The following BLTP1 variants were observed in gnomAD, a reference collection of about 807,000 sequenced individuals.
BLTP1 encodes bridge-like lipid transfer protein family member 1.
At chr4:122,209,703 G>A in the BLTP1 span, 2 of 1,320,870 alleles carry the variant, frequency 1.5e-6, no homozygotes, top group Admixed American at 2.8e-5. Context: ...GCTTATATGT[G>A]GAGAAATTCT....
chr4:122,198,234 A>T, the BLTP1 span: 48 of 978,788 alleles, frequency 4.9e-5, no homozygotes, highest in Non-Finnish European at 5.6e-5. Flanking sequence ...AGGCTATTTT[A>T]GTGAATAACT....
the BLTP1 span, chr4:122,316,505 G>A: frequency 3.8e-6 from 2 of 532,962 alleles, no homozygotes; most frequent in South Asian, 3.1e-5. Context: ...CCTCAGTCTA[G>A]CCAGTCCCAT....
chr4:122,281,222 G>A, the BLTP1 span: 1 of 744,600 alleles, frequency 1.3e-6, no homozygotes, highest in Non-Finnish European at 1.6e-6. Context: ...GTAGTAGCGT[G>A]TAATAGTTAA....
At chr4:122,186,103 G>A in the BLTP1 span, 21 of 1,611,638 alleles carry the variant, frequency 1.3e-5, no homozygotes, top group East Asian at 1.1e-4. Flanking sequence ...ATAATCGCTC[G>A]GATCTTTATG....
the BLTP1 span, chr4:122,197,508 A>C: frequency 1.1e-5 from 9 of 817,266 alleles, no homozygotes; most frequent in Non-Finnish European, 1.3e-5. Flanking sequence ...TAACGTATAC[A>C]TTTCTTTTGT....
chr4:122,318,221 A>G, the BLTP1 span: 1 of 1,612,224 alleles, frequency 6.2e-7, no homozygotes, highest in Non-Finnish European at 8.5e-7. Context: ...GTGGCTGTGA[A>G]TGACATTAGA....
At chr4:122,310,207 C>G in the BLTP1 span, among the ~76,000 whole-genome samples, 5 of 151,982 alleles carry the variant, frequency 3.3e-5, no homozygotes, top group Non-Finnish European at 7.4e-5. Context: ...AATCTTTCTA[C>G]TTCCCATTTT....
chr4:122,347,736 C>T, the BLTP1 span: 71 of 1,613,712 alleles, frequency 4.4e-5, no homozygotes, highest in Admixed American at 5.8e-4. Flanking sequence ...CCCCAGCTTC[C>T]ATAAGATCAA....
the BLTP1 span, among the ~76,000 whole-genome samples, chr4:122,273,644 A>T: frequency 6.6e-6 from 1 of 152,036 alleles, no homozygotes; most frequent in Non-Finnish European, 1.5e-5. Flanking sequence ...AATAGCTTTT[A>T]TCAGTAGTCT....
At chr4:122,186,027 T>C in the BLTP1 span, 11 of 1,527,178 alleles carry the variant, frequency 7.2e-6, no homozygotes, top group Non-Finnish European at 9.7e-6. Context: ...TTGTAATTGG[T>C]GTCTTTAGAT....
the BLTP1 span, among the ~76,000 whole-genome samples, chr4:122,352,415 A>G: frequency 7.4e-6 from 1 of 135,030 alleles, no homozygotes; most frequent in African/African-American, 2.9e-5. Context: ...GCTGGAGTGC[A>G]GTGGCACGAT....
chr4:122,248,050 T>C, the BLTP1 span: 1 of 985,232 alleles, frequency 1.0e-6, no homozygotes, highest in Non-Finnish European at 1.2e-6. Flanking sequence ...TACTGTATTT[T>C]ATAGGTTCTG....
the BLTP1 span, among the ~76,000 whole-genome samples, chr4:122,216,398 C>T: frequency 2.0e-5 from 3 of 152,010 alleles, no homozygotes; most frequent in Non-Finnish European, 2.9e-5. Context: ...TAAAAGTGTT[C>T]CCTTTTCACC....
the BLTP1 span, chr4:122,250,333 A>T: frequency 7.0e-6 from 11 of 1,565,894 alleles, no homozygotes; most frequent in African/African-American, 1.1e-4. Context: ...TTCACCATTT[A>T]TAATAAATGC....
At chr4:122,162,890 T>C in the BLTP1 span, among the ~76,000 whole-genome samples, 1 of 152,228 alleles carries the variant, frequency 6.6e-6, no homozygotes, top group African/African-American at 2.4e-5. Flanking sequence ...GTTCATTCTT[T>C]CTCTGTTGTT....
the BLTP1 span, chr4:122,305,543 A>G: frequency 2.0e-5 from 20 of 984,984 alleles, no homozygotes; most frequent in South Asian, 8.5e-4. Context: ...TCGCTGCATT[A>G]AAGATACGAG....
chr4:122,242,353 G>T, the BLTP1 span, among the ~76,000 whole-genome samples: 1 of 152,080 alleles, frequency 6.6e-6, no homozygotes, highest in Non-Finnish European at 1.5e-5. Context: ...AGGGCACTCT[G>T]TTAAGTGAAA....
the BLTP1 span, chr4:122,227,521 A>C: frequency 8.3e-6 from 8 of 965,452 alleles, no homozygotes; most frequent in Non-Finnish European, 9.9e-6. Context: ...TTCAAAAGAG[A>C]AAAATAACTT....
At chr4:122,201,612 C>G in the BLTP1 span, among the ~76,000 whole-genome samples, 1 of 152,174 alleles carries the variant, frequency 6.6e-6, no homozygotes, top group Non-Finnish European at 1.5e-5. Flanking sequence ...TCCTTTATTT[C>G]TTGCAGCATT....
Sources: gnomAD v4.1 joint callset for allele counts (sites outside exome capture counted in the v4.1 genomes callset) on GRCh38, gnomAD v4.1.1 for gene constraint, MANE v1.5 for transcripts, NCBI Gene and HGNC (gene_info 2026-07-23, HGNC 2026-07-21) for gene names.